Variants in THEM4 observed in about 807,000 individuals in gnomAD.
THEM4 encodes thioesterase superfamily member 4.
In THEM4, 22 loss-of-function variants were observed where a neutral mutation model predicts 25.0. That is an observed-to-expected ratio of 0.88 (90% confidence interval 0.63 to 1.26). The LOEUF is 1.26. THEM4 is among the 50% of genes most tolerant of loss of function. The pLI is 0.00. For missense variants in THEM4, 286 were observed against 300.3 expected (o/e 0.95, Z 0.35); for synonymous variants, 113 against 105.6 (o/e 1.07, Z -0.43).
chr1:151,907,754 C>A (rs779362139), intron 1 of THEM4, among the ~76,000 whole-genome samples: 3 of 152,152 alleles, frequency 2.0e-5, no homozygotes, highest in Non-Finnish European at 4.4e-5. Flanking sequence ...ACAGCAACGG[C>A]ACCTATTTTT....
chr1:151,894,850 A>G, intron 2 of THEM4, 158 bp downstream of exon 2: 1 of 839,642 alleles, frequency 1.2e-6, no homozygotes, highest in Non-Finnish European at 1.9e-6. Context: ...CCAATCTGCA[A>G]AATTTATTGT....
At chr1:151,882,110 G>A (rs1417971873) in intron 4 of THEM4, among the ~76,000 whole-genome samples, 1 of 152,024 alleles carries the variant, frequency 6.6e-6, no homozygotes, top group Non-Finnish European at 1.5e-5. Flanking sequence ...GGGCATGGTG[G>A]CTCACGCCTG....
At position 151,889,255 on chromosome 1, in the gene THEM4, A is replaced by C. The variant is rs1311523413; in HGVS notation, c.405T>G (p.Val135=). Residue 135 remains valine (V), a synonymous_variant, in exon 3 of 6, where the codon GTT becomes GTG. Transcript: ENST00000368814. The part of the protein sequence containing the change: ...MFYNDIEKRM[V]CLFQGGPYLE... Reference sequence around the variant, plus strand: ...GGTAAGGGCCTCCTTGAAATAAGCAAACCATCCTTTTCTCAATGTCATTGT... The same window carrying C: ...GGTAAGGGCCTCCTTGAAATAAGCACACCATCCTTTTCTCAATGTCATTGT... The C allele has an allele frequency of 1.2e-6, 2 of 1,613,528 alleles. No individual in the cohort carries two copies. The highest frequency in any genetic ancestry group is 2.2e-5 in the East Asian group (1 of 44,892).
chr1:151,882,070 AAAT>A (rs1380555901), intron 4 of THEM4, among the ~76,000 whole-genome samples: 1 of 152,066 alleles, frequency 6.6e-6, no homozygotes, highest in Non-Finnish European at 1.5e-5. Context: ...ATAGATCTGA[AAAT>A]AATAATTAAA....
At position 151,877,489 on chromosome 1, in the gene THEM4, C is replaced by A. The variant is rs1457131001; in HGVS notation, c.558-364G>T. Among the ~76,000 whole-genome samples, 5 of 152,220 alleles carry A rather than the reference C, an allele frequency of 3.3e-5. 1 individual carries two copies. Among genetic ancestry groups the A allele is most frequent in the African/African-American group, 1.2e-4 (5 of 41,462 alleles). ...TTTAAAGAAGTGAAAATAGGGCCAA[C>A]AGATGGTCCCAGGCAGCTTCTCTCA... is the stretch of plus-strand genomic sequence containing the variant. On this transcript the variant is annotated intron_variant, in intron 4 of 5. Transcript: ENST00000368814.
intron 4 of THEM4, among the ~76,000 whole-genome samples, chr1:151,886,738 G>T (rs1178802076): frequency 6.6e-6 from 1 of 152,080 alleles, no homozygotes; most frequent in Non-Finnish European, 1.5e-5. Context: ...GCACAACTAG[G>T]AATAGAAAGA....
intron 1 of THEM4, among the ~76,000 whole-genome samples, chr1:151,907,173 G>A (rs1373058041): frequency 6.6e-6 from 1 of 152,180 alleles, no homozygotes; most frequent in East Asian, 1.9e-4. Context: ...GCTGCCTTAA[G>A]AGCTATAACA....
chr1:151,904,691 T>C (rs138200472), intron 1 of THEM4, among the ~76,000 whole-genome samples: 36 of 152,260 alleles, frequency 2.4e-4, no homozygotes, highest in Non-Finnish European at 5.0e-4. Flanking sequence ...TACTGAGTAA[T>C]GAAAAGTAAA....
At chr1:151,902,918 G>A (rs1382303904) in intron 1 of THEM4, among the ~76,000 whole-genome samples, 1 of 152,122 alleles carries the variant, frequency 6.6e-6, no homozygotes, top group Non-Finnish European at 1.5e-5. Context: ...AACCAGGGAG[G>A]TGGAGGTTGC....
chr1:151,908,778 C>T (rs189243905), intron 1 of THEM4, among the ~76,000 whole-genome samples: 1 of 152,110 alleles, frequency 6.6e-6, no homozygotes, highest in African/African-American at 2.4e-5. Context: ...ATAAGAGGGG[C>T]GATCTCTGTT....
At chr1:151,882,279 G>A (rs532874082) in intron 4 of THEM4, among the ~76,000 whole-genome samples, 54 of 151,698 alleles carry the variant, frequency 3.6e-4, no homozygotes, top group African/African-American at 1.3e-3. Context: ...AGGAGGCTGA[G>A]GCAGGAGAAT....
Position 151,873,128 on chromosome 1 carries a change from G to GC in THEM4, c.*1759dup, listed in dbSNP as rs1653592481. 6.6e-6 allele frequency among the ~76,000 whole-genome samples: 1 copy of GC among 152,194 alleles called. No homozygotes were observed. Among genetic ancestry groups the GC allele is most frequent in the South Asian group, 2.1e-4 (1 of 4,828 alleles). On this transcript the variant is annotated 3_prime_UTR_variant, in exon 6 of 6. Coordinates refer to ENST00000368814, the MANE Select transcript of THEM4 (RefSeq NM_053055.5). Reference sequence around the variant, plus strand: ...GGCGGCAATGCTGCTGTTACTCTTTGCTACACTGAGATGTTTGGGTGGAGA... The same window carrying GC: ...GGCGGCAATGCTGCTGTTACTCTTTGCCTACACTGAGATGTTTGGGTGGAGA...
chr1:151,875,099 A>C (rs1572070857), intron 5 of THEM4, among the ~76,000 whole-genome samples, 171 bp from the exon 6 acceptor site: 1 of 152,320 alleles, frequency 6.6e-6, no homozygotes, highest in South Asian at 2.1e-4. Context: ...TTTGACTATC[A>C]CAATACTGTA....
intron 1 of THEM4, among the ~76,000 whole-genome samples, chr1:151,899,490 A>G (rs1644482422): frequency 6.6e-6 from 1 of 151,990 alleles, no homozygotes; most frequent in African/African-American, 2.4e-5. Flanking sequence ...GTCAAAAAAA[A>G]AAAAAAAAGA....
chr1:151,876,962 CA>C, intron 5 of THEM4, 38 bp downstream of exon 5: 1 of 1,569,968 alleles, frequency 6.4e-7, no homozygotes, highest in Non-Finnish European at 8.6e-7. Context: ...CAACCCAACC[CA>C]ACTAAACCCC....
chr1:151,880,136 A>G (rs1653778254), intron 4 of THEM4, among the ~76,000 whole-genome samples: 1 of 150,072 alleles, frequency 6.7e-6, no homozygotes, highest in Non-Finnish European at 1.5e-5. Context: ...ATAGATGTGC[A>G]CCACCTCACT....
At chr1:151,889,476 A>G (rs1340171233) in intron 2 of THEM4, 103 bp from the exon 3 acceptor site, 3 of 1,189,260 alleles carry the variant, frequency 2.5e-6, no homozygotes, top group African/African-American at 1.5e-5. Context: ...TCAATAGATG[A>G]TTGATTCAAA....
At chr1:151,878,939 A>T (rs1034495449) in intron 4 of THEM4, among the ~76,000 whole-genome samples, 1 of 75,088 alleles carries the variant, frequency 1.3e-5, no homozygotes, top group Admixed American at 1.5e-4. Context: ...CTGGAAAGGC[A>T]TAACAAAGCC....
At chr1:151,891,700 C>T (rs998279245) in intron 2 of THEM4, among the ~76,000 whole-genome samples, 3 of 151,974 alleles carry the variant, frequency 2.0e-5, no homozygotes, top group Non-Finnish European at 2.9e-5. Flanking sequence ...AGATAAGGCT[C>T]GAGATGTTCA....
Sources: gnomAD v4.1 joint callset for allele counts (sites outside exome capture counted in the v4.1 genomes callset) on GRCh38, gnomAD v4.1.1 for gene constraint, MANE v1.5 for transcripts, NCBI Gene and HGNC (gene_info 2026-07-23, HGNC 2026-07-21) for gene names.